The following PSG6 variants were observed in gnomAD, a reference collection of about 807,000 sequenced individuals.
PSG6 encodes pregnancy specific beta-1-glycoprotein 6.
In PSG6, 51 loss-of-function variants were observed where a neutral mutation model predicts 43.3. The observed-to-expected ratio is 1.18, with a 90% CI of 0.94 to 1.49. PSG6 has a LOEUF of 1.49. Ranked by LOEUF, PSG6 falls within the 40% of genes most tolerant of loss-of-function variation. The probability of loss-of-function intolerance (pLI) is 0.00; values close to 1 mark genes in which losing one functional copy is unlikely to be tolerated. For synonymous variants in PSG6, 292 were observed against 197.6 expected, an observed-to-expected ratio of 1.48 and a Z score of -4.01; for missense variants, 770 against 522.2, an observed-to-expected ratio of 1.47 and a Z score of -4.62.
At chr19:42,913,382 C>A (rs756870429) in intron 2 of PSG6, among the ~76,000 whole-genome samples, 1 of 151,764 alleles carries the variant, frequency 6.6e-6, no homozygotes, top group Admixed American at 6.6e-5. Flanking sequence ...TATCTCCTGA[C>A]CTTGTGCCCG....
At position 42,907,733 on chromosome 19, in the gene PSG6, A is replaced by C. The variant is rs748225819; in HGVS notation, c.828T>G (p.Gly276=). ...CCCTCGGACTGACCGGGAGGCTCTG[A>C]CCATTTAGCCACCAAATGTAGGTGT... ...RNYTYIWWLN[G]QSLPVSPRVK... is the part of the protein sequence containing the mutation. Residue 276 remains glycine (G), a synonymous_variant, in exon 4 of 6, where the codon GGT becomes GGG. Coordinates refer to ENST00000187910, the MANE Select transcript of PSG6 (RefSeq NM_001031850.4). 1.2e-6 allele frequency: 2 copies of C among 1,610,806 alleles called. No individual in the cohort carries two copies. Among genetic ancestry groups the C allele is most frequent in the South Asian group, 2.2e-5 (2 of 90,766 alleles).
In PSG6 at chr19:42,916,715, A is replaced by G. The variant is rs144947973; in HGVS notation, c.65-228T>C. Among the ~76,000 whole-genome samples, 52 of 150,944 alleles carry G rather than the reference A, an allele frequency of 3.4e-4. 2 individuals carry two copies. In the East Asian group the frequency reaches 0.01, roughly 30 times the overall value. On this transcript the variant is annotated intron_variant, in intron 1 of 5. Transcript: ENST00000187910. ...CAGCAGCATGACCCCCATTCCTTCAACACTCCTGACCTTGGCATTTTTCTG... is the reference window on the plus strand; with the variant it reads ...CAGCAGCATGACCCCCATTCCTTCAGCACTCCTGACCTTGGCATTTTTCTG...
intron 3 of PSG6, among the ~76,000 whole-genome samples, chr19:42,909,472 G>A (rs1031258326): frequency 4.0e-5 from 6 of 151,548 alleles, no homozygotes; most frequent in Non-Finnish European, 7.4e-5. Context: ...GATTCTGGTA[G>A]GGGTTGCATT....
chr19:42,906,661 T>C lies in PSG6; in HGVS notation c.1240+261A>G, dbSNP rs1063016. On this transcript the variant is annotated intron_variant, in intron 5 of 5. Transcript: ENST00000187910. ...CCTTCTTGTCCCTCTGTGAAGCCTC[T>C]TCTACCACATAGGGCTCAGGGCTGA... 23 of 1,413,026 alleles carry C rather than the reference T, an allele frequency of 1.6e-5. No homozygotes were observed. In the Admixed American group the frequency reaches 2.0e-4, roughly 12 times the overall value. The allele number at this position is 1,413,026 out of a possible 1,614,324, so 87.5% of individuals were successfully genotyped here. A position where few individuals can be genotyped will look rare whatever the true frequency, so the allele number is the denominator to read the frequency against.
rs1277767204 is a variant in PSG6, at chr19:42,907,304, T to C, written c.986-128A>G. ...TCAAGTGACAGCCAAATCCCATCTA[T>C]GTTTACTAAGCCCAAGCCTGAGGTA... On this transcript the variant is annotated intron_variant, in intron 4 of 5. Transcript: ENST00000187910. The C allele has an allele frequency of 1.5e-5, 22 of 1,489,592 alleles. 2 individuals are homozygous for C. The highest frequency in any genetic ancestry group is 4.1e-5 in the South Asian group (3 of 73,524). The allele number at this position is 1,489,592 out of a possible 1,614,324, so 92.3% of individuals were successfully genotyped here.
rs373428775 is a variant in PSG6, at chr19:42,917,773, G to A, written c.20C>T (p.Pro7Leu). The A allele has an allele frequency of 1.1e-4, 178 of 1,609,950 alleles. 6 individuals are homozygous for A. Among genetic ancestry groups the A allele is most frequent in the Non-Finnish European group, 1.4e-4 (163 of 1,177,866 alleles). The change falls in exon 1 of 6, where the codon CCT becomes CTT. Residue 7 changes from proline (P) to leucine (L), a missense_variant. Transcript: ENST00000187910. MGPLSAPPCTQHITWKG... is the reference protein window; with the variant it reads MGPLSALPCTQHITWKG... ...CCAGGTGATGTGCTGAGTGCAGGGA[G>A]GGGCTGAGAGGGGTCCCATGGTCTC...
intron 3 of PSG6, among the ~76,000 whole-genome samples, chr19:42,908,792 T>C (rs1390974395): frequency 4.0e-5 from 6 of 151,716 alleles, no homozygotes; most frequent in Admixed American, 1.3e-4. Context: ...TTTTCTTTCA[T>C]TGGACATTCT....
chr19:42,909,819 G>T (rs1297997995), intron 3 of PSG6: 2 of 151,834 alleles, frequency 1.3e-5, no homozygotes, highest in Non-Finnish European at 2.9e-5. Flanking sequence ...CCTGGGTTTT[G>T]ATTTTCCCTC....
chr19:42,906,544 T>C (rs1211606134), intron 5 of PSG6: 6 of 1,296,404 alleles, frequency 4.6e-6, no homozygotes, highest in Non-Finnish European at 6.0e-6. Context: ...CAGATGTTCC[T>C]TGTAGCTCAT....
intron 2 of PSG6, among the ~76,000 whole-genome samples, chr19:42,912,163 A>G (rs1367407385): frequency 6.6e-6 from 1 of 151,662 alleles, no homozygotes; most frequent in Non-Finnish European, 1.5e-5. Context: ...TTAGCATCAC[A>G]TCAGTGGTCA....
At chr19:42,904,967 G>C (rs543670540) in intron 5 of PSG6, among the ~76,000 whole-genome samples, 4 of 151,534 alleles carry the variant, frequency 2.6e-5, no homozygotes, top group African/African-American at 4.8e-5. Flanking sequence ...TCATAGCCCA[G>C]AAAGAAATGC....
Position 42,910,872 on chromosome 19 carries a change from A to T in PSG6, c.428-14T>A. 3 of 1,596,538 alleles carry T rather than the reference A, an allele frequency of 1.9e-6. No homozygotes were observed. The highest frequency in any genetic ancestry group is 2.6e-6 in the Non-Finnish European group (3 of 1,170,952). ...TGGGAGTCTCCGCTGTGCAGAAAAC[A>T]GAGAGAAGATTGCCCTGTGTGGCAC... On this transcript the variant is annotated splice_polypyrimidine_tract_variant and intron_variant, in intron 2 of 5. Coordinates refer to ENST00000187910, the MANE Select transcript of PSG6 (RefSeq NM_001031850.4).
At chr19:42,913,854 T>C (rs140115350) in intron 2 of PSG6, among the ~76,000 whole-genome samples, 3,604 of 151,486 alleles carry the variant, frequency 0.024, 195 homozygotes, top group African/African-American at 0.083. Context: ...CATGATTCCA[T>C]CACCAATCAG....
chr19:42,907,556 G>A lies in PSG6; in HGVS notation c.985+20C>T, dbSNP rs754187767. 18 of 1,611,060 alleles carry A rather than the reference G, an allele frequency of 1.1e-5. 2 individuals carry two copies. The South Asian group carries it at 1.8e-4, about 16-fold the overall frequency. On this transcript the variant is annotated intron_variant, in intron 4 of 5. Coordinates refer to ENST00000187910, the MANE Select transcript of PSG6 (RefSeq NM_001031850.4). ...AGTTAAGCTGGTGTCCTGGCCCACA[G>A]AGGAACAAAGGATACTCACAGAGGA...
chr19:42,909,192 G>A (rs997449316), intron 3 of PSG6, among the ~76,000 whole-genome samples: 1 of 151,626 alleles, frequency 6.6e-6, no homozygotes, highest in African/African-American at 2.4e-5. Flanking sequence ...TGATAAGCCA[G>A]ATATATTCTT....
In PSG6 at chr19:42,916,334, G is replaced by C. The variant is rs140974685; in HGVS notation, c.218C>G (p.Thr73Arg). Residue 73 changes from threonine to arginine, a missense_variant, in exon 2 of 6, where the codon ACG (threonine) becomes AGG (arginine). Transcript: ENST00000187910. ...TGATGTAATGTAATGGTAGAGGTCC[G>C]TCATTTGCCCTTTGTACCAGATGTA... The part of the protein sequence containing the change: ...TGYIWYKGQM[T>R]DLYHYITSYV... 5.0e-3 allele frequency: 8,137 copies of C among 1,611,648 alleles called. 489 individuals are homozygous for C. The African/African-American group carries it at 0.089, about 18-fold the overall frequency.
intron 2 of PSG6, chr19:42,915,689 G>A (rs558292755): frequency 1.1e-4 from 25 of 225,762 alleles, no homozygotes; most frequent in Non-Finnish European, 1.2e-4. Context: ...CCTGGCACAG[G>A]CTCCTCAGCT....
Position 42,906,988 on chromosome 19 carries a change from C to G in PSG6, c.1174G>C (p.Ala392Pro). The G allele has an allele frequency of 1.2e-6, 2 of 1,612,404 alleles. No homozygotes were observed. The highest frequency in any genetic ancestry group is 8.5e-7 in the Non-Finnish European group (1 of 1,179,102). ...GTGGCTGAGTTACGAACAGAGCAAG[C>G]ATAGAGCCCGCTATGATTTGTAGTA... ...QITTNHSGLYACSVRNSATGK... is the reference protein window; with the variant it reads ...QITTNHSGLYPCSVRNSATGK... The change falls in exon 5 of 6, where the codon GCT becomes CCT. Residue 392 changes from alanine (A) to proline (P), a missense_variant. Physicochemically the swap from Ala to Pro is conservative, Grantham distance 27. Coordinates refer to ENST00000187910, the MANE Select transcript of PSG6 (RefSeq NM_001031850.4).
chr19:42,910,443 C>A, intron 3 of PSG6, 137 bp downstream of exon 3: 1 of 1,603,618 alleles, frequency 6.2e-7, no homozygotes, highest in Non-Finnish European at 8.5e-7. Context: ...TTGCCTGGAG[C>A]AGAAAGTCAT....
Sources: gnomAD v4.1 joint callset for allele counts (sites outside exome capture counted in the v4.1 genomes callset) on GRCh38, gnomAD v4.1.1 for gene constraint, MANE v1.5 for transcripts, NCBI Gene and HGNC (gene_info 2026-07-23, HGNC 2026-07-21) for gene names.